The following ACSL3 variants were observed in gnomAD, a reference collection of about 807,000 sequenced individuals.
ACSL3 encodes the protein acyl-CoA synthetase long chain family member 3, also known as fatty acid CoA ligase Acsl3.
Under a neutral mutation model 84.7 loss-of-function variants are expected in ACSL3, and 34 were observed. The ratio of observed to expected loss-of-function variants is 0.40; its 90% confidence interval spans 0.31 to 0.53. ACSL3 has a LOEUF of 0.53. Ranked by LOEUF, ACSL3 falls within the 20% of genes least tolerant of loss-of-function variation. The pLI, the probability that ACSL3 is intolerant of heterozygous loss-of-function variation, is 0.48. For missense variants in ACSL3, 680 were observed against 873.1 expected (o/e 0.78, Z 2.79); for synonymous variants, 315 against 299.4 (o/e 1.05, Z -0.54).
At chr2:222,908,025 A>G (rs937276585) in intron 3 of ACSL3, among the ~76,000 whole-genome samples, 2 of 151,966 alleles carry the variant, frequency 1.3e-5, no homozygotes, top group African/African-American at 4.8e-5. Flanking sequence ...TTGCTTGTCT[A>G]CCTCTCCCAG....
At chr2:222,906,477 G>A (rs1257494411) in intron 3 of ACSL3, among the ~76,000 whole-genome samples, 1 of 152,158 alleles carries the variant, frequency 6.6e-6, no homozygotes, top group Non-Finnish European at 1.5e-5. Context: ...CTTTGTATAG[G>A]GGTTGTGTTT....
chr2:222,894,779 T>C (rs1178837771), intron 2 of ACSL3, among the ~76,000 whole-genome samples: 1 of 152,236 alleles, frequency 6.6e-6, no homozygotes, highest in Non-Finnish European at 1.5e-5. Context: ...GAAGTTCTTC[T>C]AGGTCAATGC....
At chr2:222,911,899 A>G (rs1044894797) in intron 4 of ACSL3, among the ~76,000 whole-genome samples, 2 of 152,246 alleles carry the variant, frequency 1.3e-5, no homozygotes, top group African/African-American at 4.8e-5. Context: ...TAGGTGAGAC[A>G]GACTGTTTTT....
Position 222,941,701 on chromosome 2 carries a change from A to G in ACSL3, c.*47A>G. 1 of 1,547,206 alleles carries G rather than the reference A, an allele frequency of 6.5e-7. No individual in the cohort carries two copies. On this transcript the variant is annotated 3_prime_UTR_variant, in exon 17 of 17. Transcript: ENST00000357430. The stretch of plus-strand genomic sequence containing the variant: ...TTGCTACAGTGAGCTCAGATCAAAT[A>G]GGAAAATACTTGAAATGCATGTCTC...
At chr2:222,907,324 CCT>C (rs1210434046) in intron 3 of ACSL3, among the ~76,000 whole-genome samples, 1 of 152,100 alleles carries the variant, frequency 6.6e-6, no homozygotes, top group African/African-American at 2.4e-5. Context: ...TCTACACTTG[CCT>C]GGAATAGAAT....
At chr2:222,920,913 A>G (rs940074766) in intron 7 of ACSL3, 6 of 466,118 alleles carry the variant, frequency 1.3e-5, no homozygotes, top group African/African-American at 1.2e-4. Context: ...TAATTAGAAC[A>G]CTCTTCTCCC....
intron 10 of ACSL3, among the ~76,000 whole-genome samples, chr2:222,923,395 CCTT>C (rs1696790085): frequency 6.6e-6 from 1 of 152,208 alleles, no homozygotes. Flanking sequence ...TGCCTAAATA[CCTT>C]CTTGTTAAAA....
chr2:222,930,881 T>A (rs1697012711), intron 14 of ACSL3, 69 bp downstream of exon 14: 1 of 1,349,748 alleles, frequency 7.4e-7, no homozygotes, highest in South Asian at 1.4e-5. Context: ...CACAATATAT[T>A]TAGAGGAGGC....
chr2:222,929,435 A>G (rs558915093), intron 13 of ACSL3, among the ~76,000 whole-genome samples: 33 of 152,198 alleles, frequency 2.2e-4, no homozygotes, highest in Non-Finnish European at 4.0e-4. Flanking sequence ...CTGTTAAAAT[A>G]TACAAATTAT....
At chr2:222,876,192 G>A (rs994892775) in intron 1 of ACSL3, among the ~76,000 whole-genome samples, 4 of 152,216 alleles carry the variant, frequency 2.6e-5, no homozygotes, top group Admixed American at 1.3e-4. Context: ...GCAATAGTGT[G>A]TGATTTGTAA....
chr2:222,928,409 A>G (rs1696937442), intron 12 of ACSL3, among the ~76,000 whole-genome samples: 1 of 152,220 alleles, frequency 6.6e-6, no homozygotes, highest in Non-Finnish European at 1.5e-5. Flanking sequence ...TGTTTTCATC[A>G]TCCTTTAAGA....
rs1245700915 is a variant in ACSL3, at chr2:222,919,048, G to A, written c.667-16G>A. ...TTGAAAAATAATGAACGTGATGAAT[G>A]TTGGTGTATTTCTAGGATATAGTTT... On this transcript the variant is annotated splice_polypyrimidine_tract_variant and intron_variant, in intron 6 of 16. Coordinates refer to ENST00000357430, the MANE Select transcript of ACSL3 (RefSeq NM_004457.5). The A allele has an allele frequency of 6.2e-7, 1 of 1,611,798 alleles. No individual in the cohort carries two copies. Among genetic ancestry groups the A allele is most frequent in the Admixed American group, 1.7e-5 (1 of 59,732 alleles).
At chr2:222,922,632 G>A in intron 8 of ACSL3, 76 bp from the exon 9 acceptor site, 2 of 1,585,452 alleles carry the variant, frequency 1.3e-6, no homozygotes, top group African/African-American at 1.4e-5. Flanking sequence ...GTGCCTTCAA[G>A]CTTGCTCCCA....
At chr2:222,933,824 A>G (rs183544571) in intron 15 of ACSL3, 1 of 151,674 alleles carries the variant, frequency 6.6e-6, no homozygotes, top group East Asian at 1.9e-4. Context: ...ATGGGAAAAT[A>G]AAATCTGTTA....
At chr2:222,861,571 C>G (rs1574507864) in intron 1 of ACSL3, 1 of 152,224 alleles carries the variant, frequency 6.6e-6, no homozygotes, top group African/African-American at 2.4e-5. Context: ...GCACTGCGTG[C>G]CTCCCGGCGC....
rs118023592 is a variant in ACSL3, at chr2:222,931,787, G to A, written c.1732+975G>A. Among the ~76,000 whole-genome samples the A allele has an allele frequency of 6.9e-4, 105 of 152,218 alleles. 1 individual carries two copies. The highest frequency in any genetic ancestry group is 6.8e-3 in the East Asian group (35 of 5,178). On this transcript the variant is annotated intron_variant, in intron 14 of 16. Coordinates refer to ENST00000357430, the MANE Select transcript of ACSL3 (RefSeq NM_004457.5). ...CATTGTTCCCCTCTTCACCTTCATCGTCAGTTGTTTTCCTCCTCCTCCTTG... is the reference window on the plus strand; with the variant it reads ...CATTGTTCCCCTCTTCACCTTCATCATCAGTTGTTTTCCTCCTCCTCCTTG...
Position 222,934,635 on chromosome 2 carries a change from T to A in ACSL3, c.1953T>A (p.Ser651Arg). 1 of 1,609,566 alleles carries A rather than the reference T, an allele frequency of 6.2e-7. No homozygotes were observed. The highest frequency in any genetic ancestry group is 1.3e-5 in the African/African-American group (1 of 74,954). Residue 651 changes from serine to arginine, a missense_variant, in exon 16 of 17, where the codon AGT (serine) becomes AGA (arginine). By Grantham distance (110) the Ser-to-Arg change is moderately radical. This residue lies in a region of ACSL3 where 347 missense variants were observed against 525.7 expected (regional missense o/e 0.66). Coordinates refer to ENST00000357430, the MANE Select transcript of ACSL3 (RefSeq NM_004457.5). The stretch of plus-strand genomic sequence containing the variant: ...GGACTTGGGAGGAGCTGTGTAACAG[T>A]TGTGAAATGGAAAATGAGGTACTTA... ...LKGTWEELCN[S>R]CEMENEVLKV...
At position 222,865,531 on chromosome 2, in the gene ACSL3, A is replaced by C. The variant is rs144835642; in HGVS notation, c.-207+4273A>C. ...TAAGGAGCTCACAGTTCACCACAGG[A>C]AAGAGGTGTATGAACAAATTACAGC... On this transcript the variant is annotated intron_variant, in intron 1 of 16. Coordinates refer to ENST00000357430, the MANE Select transcript of ACSL3 (RefSeq NM_004457.5). Among the ~76,000 whole-genome samples the C allele has an allele frequency of 4.8e-3, 724 of 152,338 alleles. 9 individuals are homozygous for C. Among genetic ancestry groups the C allele is most frequent in the African/African-American group, 0.017 (687 of 41,574 alleles).
At chr2:222,877,175 T>A (rs1239532904) in intron 1 of ACSL3, among the ~76,000 whole-genome samples, 1 of 151,990 alleles carries the variant, frequency 6.6e-6, no homozygotes, top group Non-Finnish European at 1.5e-5. Flanking sequence ...GGTGGAGAGC[T>A]CAAGGGGATT....
Sources: allele counts gnomAD v4.1 joint callset (sites outside exome capture counted in the v4.1 genomes callset), GRCh38; gene constraint gnomAD v4.1.1; regional missense constraint gnomAD v4.1.1; transcripts MANE v1.5; gene names NCBI Gene and HGNC (gene_info 2026-07-23, HGNC 2026-07-21).